CCSER1: variants seen among roughly 807,000 people sequenced by gnomAD.
CCSER1 encodes serine-rich coiled-coil domain-containing protein 1.
In CCSER1, 41 loss-of-function variants were observed where a neutral mutation model predicts 82.0. The ratio of observed to expected loss-of-function variants is 0.50; its 90% CI spans 0.39 to 0.65. The LOEUF (loss-of-function observed/expected upper bound fraction) is 0.65. CCSER1 is among the 30% of genes least tolerant of loss of function. CCSER1 has a pLI of 0.00. For synonymous variants in CCSER1, 414 were observed against 383.9 expected (o/e 1.08, Z -0.92); for missense variants, 1,119 against 1,064.2 (o/e 1.05, Z -0.72).
At chr4:91,105,406 C>CAA (rs34348706) in intron 10 of CCSER1, among the ~76,000 whole-genome samples, 18 of 147,388 alleles carry the variant, frequency 1.2e-4, no homozygotes, top group Non-Finnish European at 2.0e-4. Flanking sequence ...TAACAGTAAA[C>CAA]AAAAAAAAAA....
intron 8 of CCSER1, among the ~76,000 whole-genome samples, chr4:90,894,010 C>A (rs997424052): frequency 2.0e-5 from 3 of 151,704 alleles, no homozygotes; most frequent in African/African-American, 7.3e-5. Flanking sequence ...AAAAAGTTAT[C>A]CATGTAAAAT....
chr4:90,505,261 C>T (rs755700453), intron 5 of CCSER1, among the ~76,000 whole-genome samples: 1 of 152,242 alleles, frequency 6.6e-6, no homozygotes, highest in Non-Finnish European at 1.5e-5. Flanking sequence ...GACGTGCTCC[C>T]ATCTGGGGCA....
At chr4:91,127,285 G>GAGAGATCCTGAAAAATATA in intron 10 of CCSER1, among the ~76,000 whole-genome samples, 1 of 152,124 alleles carries the variant, frequency 6.6e-6, no homozygotes, top group South Asian at 2.1e-4. Context: ...GAAAAAAATT[G>GAGAGATCCTGAAAAATATA]AGAGATCCTG....
At chr4:91,541,336 G>A (rs997892833) in intron 10 of CCSER1, among the ~76,000 whole-genome samples, 5 of 152,054 alleles carry the variant, frequency 3.3e-5, no homozygotes, top group South Asian at 2.1e-4. Flanking sequence ...CCATTAACTC[G>A]TCATTTTTAT....
chr4:90,431,193 A>T (rs1758225547), intron 4 of CCSER1, among the ~76,000 whole-genome samples: 1 of 152,074 alleles, frequency 6.6e-6, no homozygotes, highest in African/African-American at 2.4e-5. Flanking sequence ...GACAAAGAGC[A>T]CTGTCATTAC....
intron 9 of CCSER1, among the ~76,000 whole-genome samples, chr4:91,024,716 A>C (rs1210790272): frequency 6.6e-6 from 1 of 152,032 alleles, no homozygotes; most frequent in African/African-American, 2.4e-5. Context: ...ATTTTGTTCA[A>C]TAAGAGTTTT....
chr4:90,607,411 T>G (rs1784869206), intron 5 of CCSER1, among the ~76,000 whole-genome samples: 1 of 152,140 alleles, frequency 6.6e-6, no homozygotes, highest in African/African-American at 2.4e-5. Context: ...CAATAGAAAT[T>G]TATTGTCTCA....
At chr4:91,193,207 T>C (rs1369376066) in intron 10 of CCSER1, among the ~76,000 whole-genome samples, 2 of 152,222 alleles carry the variant, frequency 1.3e-5, no homozygotes, top group African/African-American at 4.8e-5. Context: ...CAGAGAGGCA[T>C]ATGCCTCTTT....
At chr4:91,470,455 A>AT (rs1256883309) in intron 10 of CCSER1, among the ~76,000 whole-genome samples, 1 of 149,092 alleles carries the variant, frequency 6.7e-6, no homozygotes, top group East Asian at 2.0e-4. Flanking sequence ...TAAAAAAAAT[A>AT]AAAATAAATG....
chr4:90,336,438 G>A (rs562758317), intron 3 of CCSER1, among the ~76,000 whole-genome samples: 1 of 152,160 alleles, frequency 6.6e-6, no homozygotes, highest in Non-Finnish European at 1.5e-5. Context: ...TGACAATTCT[G>A]TGCTTTCATT....
At chr4:90,459,442 A>G (rs927748898) in intron 4 of CCSER1, among the ~76,000 whole-genome samples, 1 of 152,170 alleles carries the variant, frequency 6.6e-6, no homozygotes, top group African/African-American at 2.4e-5. Flanking sequence ...GGCTGGCATA[A>G]CAAAAGGTAT....
At position 91,600,326 on chromosome 4, in the gene CCSER1, C is replaced by G. The variant is rs1034934703; in HGVS notation, c.*1269C>G. The G allele has an allele frequency of 3.9e-5, 6 of 152,030 alleles. No individual in the cohort carries two copies. The highest frequency in any genetic ancestry group is 1.4e-4 in the African/African-American group (6 of 41,402). The allele number at this position is 152,030 out of a possible 1,614,324, so 9.4% of individuals were successfully genotyped here. ...AGTAGCAGAGCAGAATCAAAGAGTA[C>G]AATTGAATACATAAATAAATAATTT... On this transcript the variant is annotated 3_prime_UTR_variant, in exon 11 of 11. Transcript: ENST00000509176.
At chr4:90,993,786 C>T (rs769588643) in intron 9 of CCSER1, among the ~76,000 whole-genome samples, 1 of 151,960 alleles carries the variant, frequency 6.6e-6, no homozygotes, top group African/African-American at 2.4e-5. Flanking sequence ...CTAGAAGTAC[C>T]CCTTCCAAAC....
chr4:90,670,807 A>T (rs961451460), intron 6 of CCSER1, among the ~76,000 whole-genome samples: 34 of 152,080 alleles, frequency 2.2e-4, no homozygotes, highest in African/African-American at 8.0e-4. Flanking sequence ...ATTTAAAAAA[A>T]ATACATGCCC....
intron 8 of CCSER1, among the ~76,000 whole-genome samples, chr4:90,868,623 T>C (rs1219525655): frequency 6.6e-6 from 1 of 152,066 alleles, no homozygotes; most frequent in African/African-American, 2.4e-5. Context: ...TTCAGTTGCT[T>C]CCAAATACTG....
chr4:91,484,382 C>A (rs576135503), intron 10 of CCSER1, among the ~76,000 whole-genome samples: 1 of 152,238 alleles, frequency 6.6e-6, no homozygotes, highest in African/African-American at 2.4e-5. Context: ...ATTCCCATCC[C>A]CAGTCACTAC....
At chr4:91,214,857 T>G (rs2149090210) in intron 10 of CCSER1, among the ~76,000 whole-genome samples, 1 of 152,256 alleles carries the variant, frequency 6.6e-6, no homozygotes, top group South Asian at 2.1e-4. Flanking sequence ...TTAAATCCTT[T>G]TACTTGAAAT....
chr4:90,578,759 A>G (rs1177065224), intron 5 of CCSER1, among the ~76,000 whole-genome samples: 5 of 152,150 alleles, frequency 3.3e-5, no homozygotes, highest in Non-Finnish European at 1.5e-5. Context: ...TCTGCCTGTA[A>G]AAGTATCTAG....
intron 6 of CCSER1, among the ~76,000 whole-genome samples, chr4:90,674,504 C>G (rs959231572): frequency 1.3e-5 from 2 of 151,906 alleles, no homozygotes; most frequent in Non-Finnish European, 1.5e-5. Flanking sequence ...AATGGACAGT[C>G]ATTCGGCTTT....
Sources: gnomAD v4.1 joint callset for allele counts (sites outside exome capture counted in the v4.1 genomes callset) on GRCh38, gnomAD v4.1.1 for gene constraint, MANE v1.5 for transcripts, NCBI Gene and HGNC (gene_info 2026-07-23, HGNC 2026-07-21) for gene names.